Variants in VDAC1 observed in about 807,000 individuals in gnomAD.
VDAC1 encodes non-selective voltage-gated ion channel VDAC1.
In VDAC1, 10 loss-of-function variants were observed where a neutral mutation model predicts 34.7. That is an observed-to-expected ratio of 0.29 (90% confidence interval 0.18 to 0.49). VDAC1 has a LOEUF of 0.49. VDAC1 is among the 20% of genes least tolerant of loss of function. The pLI is 0.99. For missense variants in VDAC1, 230 were observed against 347.9 expected (o/e 0.66, Z 2.69); for synonymous variants, 130 against 136.0 (o/e 0.96, Z 0.30).
the VDAC1 span, among the ~76,000 whole-genome samples, chr5:134,017,438 A>G: frequency 1.3e-5 from 2 of 151,186 alleles, no homozygotes; most frequent in African/African-American, 4.9e-5. Flanking sequence ...CCTGGGCAAC[A>G]AGAGCGAAAC....
chr5:134,096,527 A>T, the VDAC1 span, among the ~76,000 whole-genome samples: 1 of 152,196 alleles, frequency 6.6e-6, no homozygotes. Flanking sequence ...TTATCTAGCC[A>T]ACTAAGGATG....
chr5:134,059,031 A>G, the VDAC1 span, among the ~76,000 whole-genome samples: 1 of 152,224 alleles, frequency 6.6e-6, no homozygotes, highest in Non-Finnish European at 1.5e-5. Flanking sequence ...AGCCAGAGTG[A>G]TTCAGCACTG....
intron 1 of VDAC1, 178 bp downstream of exon 1, chr5:134,004,704 GCAGGGAGCCGAGC>G (rs3832356): frequency 1.4e-4 from 21 of 151,710 alleles, no homozygotes; most frequent in African/African-American, 4.8e-4. Context: ...CGACGCGGAG[GCAGGGAGCCGAGC>G]CAGGGAGCGG....
chr5:134,016,688 C>A, the VDAC1 span, among the ~76,000 whole-genome samples: 1 of 152,100 alleles, frequency 6.6e-6, no homozygotes, highest in Admixed American at 6.5e-5. Flanking sequence ...GGACAGGGAG[C>A]ATGAAAAATA....
intron 1 of VDAC1, among the ~76,000 whole-genome samples, chr5:133,997,086 G>A (rs1455783682): frequency 6.6e-6 from 1 of 152,138 alleles, no homozygotes; most frequent in Non-Finnish European, 1.5e-5. Flanking sequence ...TTAACCAGCA[G>A]TCTGGCAAAA....
intron 1 of VDAC1, among the ~76,000 whole-genome samples, chr5:133,994,358 G>C (rs1166651597): frequency 1.3e-5 from 2 of 152,206 alleles, no homozygotes; most frequent in African/African-American, 4.8e-5. Context: ...GCTCACTTTT[G>C]TGTCAGAGCA....
the VDAC1 span, among the ~76,000 whole-genome samples, chr5:134,092,648 C>T: frequency 6.6e-6 from 1 of 151,156 alleles, no homozygotes; most frequent in African/African-American, 2.4e-5. Flanking sequence ...TGCACTCCAG[C>T]CCAGGCAACA....
the VDAC1 span, among the ~76,000 whole-genome samples, chr5:134,085,016 TG>T: frequency 6.6e-6 from 1 of 152,178 alleles, no homozygotes; most frequent in South Asian, 2.1e-4. Context: ...CTGGGGTCCT[TG>T]GGCACAAGAC....
At chr5:133,995,136 T>C (rs574161615) in intron 1 of VDAC1, among the ~76,000 whole-genome samples, 10 of 152,108 alleles carry the variant, frequency 6.6e-5, no homozygotes, top group South Asian at 6.2e-4. Context: ...CAGCCTGAAG[T>C]ACAAGGCCAC....
At chr5:134,067,893 G>A in the VDAC1 span, among the ~76,000 whole-genome samples, 6 of 152,074 alleles carry the variant, frequency 3.9e-5, no homozygotes, top group South Asian at 2.1e-4. Flanking sequence ...CAAGGAAGGC[G>A]GATCACTTGA....
chr5:134,024,416 C>A, the VDAC1 span, among the ~76,000 whole-genome samples: 1 of 150,926 alleles, frequency 6.6e-6, no homozygotes, highest in Non-Finnish European at 1.5e-5. Flanking sequence ...GTAGTCCCAG[C>A]TACTTGGGAG....
the VDAC1 span, among the ~76,000 whole-genome samples, chr5:134,101,160 T>C: frequency 6.6e-6 from 1 of 152,264 alleles, no homozygotes; most frequent in Admixed American, 6.5e-5. Context: ...GACACATGTC[T>C]GGATTTTCTG....
intron 1 of VDAC1, among the ~76,000 whole-genome samples, chr5:133,993,695 C>T (rs1753191571): frequency 6.6e-6 from 1 of 152,146 alleles, no homozygotes; most frequent in South Asian, 2.1e-4. Context: ...ATTTATTGAG[C>T]TCCAGTGTAA....
At chr5:134,051,761 C>T in the VDAC1 span, among the ~76,000 whole-genome samples, 14 of 151,484 alleles carry the variant, frequency 9.2e-5, no homozygotes, top group Admixed American at 4.0e-4. Context: ...TGCAATAGCA[C>T]GATCTCGGCT....
chr5:134,094,529 C>A, the VDAC1 span, among the ~76,000 whole-genome samples: 1 of 152,060 alleles, frequency 6.6e-6, no homozygotes, highest in African/African-American at 2.4e-5. Context: ...AACCCTGTCT[C>A]CACTAAAAAT....
the VDAC1 span, among the ~76,000 whole-genome samples, chr5:134,052,311 A>G: frequency 1.3e-5 from 2 of 151,888 alleles, no homozygotes; most frequent in South Asian, 2.1e-4. Flanking sequence ...TCATTTCTCT[A>G]TGAAGCCTCT....
intron 5 of VDAC1, 123 bp downstream of exon 5, chr5:133,990,732 T>G (rs6880980): frequency 0.12 from 133,659 of 1,145,022 alleles, 8,765 homozygotes; most frequent in South Asian, 0.21. Flanking sequence ...AGGACTTAAA[T>G]CGCCAGGTCT....
chr5:134,086,954 A>AG, the VDAC1 span, among the ~76,000 whole-genome samples: 4 of 152,206 alleles, frequency 2.6e-5, no homozygotes, highest in South Asian at 2.1e-4. Flanking sequence ...CAGTTTCAAC[A>AG]TCAAACCTGA....
intron 5 of VDAC1, among the ~76,000 whole-genome samples, chr5:133,990,532 A>G (rs1429039868): frequency 1.3e-5 from 2 of 152,230 alleles, no homozygotes; most frequent in Non-Finnish European, 2.9e-5. Context: ...TTAGAAAGTG[A>G]GCTCCTTGGC....
Sources: gnomAD v4.1 joint callset for allele counts (sites outside exome capture counted in the v4.1 genomes callset) on GRCh38, gnomAD v4.1.1 for gene constraint, MANE v1.5 for transcripts, NCBI Gene and HGNC (gene_info 2026-07-23, HGNC 2026-07-21) for gene names.